Variants in CRYBG1 observed in about 807,000 individuals in gnomAD.
CRYBG1 encodes the protein crystallin beta-gamma domain containing 1.
In CRYBG1, 139 loss-of-function variants were observed where a neutral mutation model predicts 189.2. That is an observed-to-expected ratio of 0.73 (90% CI 0.64 to 0.85). The LOEUF is 0.85. Among genes scored for constraint, CRYBG1 ranks in the 40% least tolerant of loss-of-function variants. CRYBG1 has a pLI of 0.00. For synonymous variants in CRYBG1, 1,023 were observed against 1,017.1 expected (o/e 1.01, Z -0.11); for missense variants, 2,611 against 2,675.8 (o/e 0.98, Z 0.53).
intron 1 of CRYBG1, among the ~76,000 whole-genome samples, chr6:106,409,299 T>A (rs1443886861): frequency 6.6e-6 from 1 of 151,990 alleles, no homozygotes; most frequent in Non-Finnish European, 1.5e-5. Context: ...AAAATACCTA[T>A]GAATACAACT....
intron 1 of CRYBG1, among the ~76,000 whole-genome samples, chr6:106,376,935 C>T (rs1263942935): frequency 6.6e-6 from 1 of 152,034 alleles, no homozygotes; most frequent in Admixed American, 6.6e-5. Context: ...TGAAAAATGG[C>T]ATAGACTAAA....
intron 1 of CRYBG1, among the ~76,000 whole-genome samples, chr6:106,399,008 G>C (rs1294929728): frequency 6.6e-6 from 1 of 152,180 alleles, no homozygotes; most frequent in African/African-American, 2.4e-5. Context: ...TAACCAACAT[G>C]CTATTAAGAA....
Position 106,432,489 on chromosome 6 carries a change from A to G in CRYBG1, c.174-19205A>G, listed in dbSNP as rs962220977. Among the ~76,000 whole-genome samples the G allele has an allele frequency of 4.0e-5, 6 of 149,072 alleles. No individual in the cohort carries two copies. In the Admixed American group the frequency reaches 4.1e-4, roughly 10 times the overall value. ...CCTACAAGCTGTGGTAGGTACAAAGATGAAAGATGACCCAGTACCTACCCC... is the reference window on the plus strand; with the variant it reads ...CCTACAAGCTGTGGTAGGTACAAAGGTGAAAGATGACCCAGTACCTACCCC... On this transcript the variant is annotated intron_variant, in intron 1 of 21. Transcript: ENST00000633556.
intron 2 of CRYBG1, among the ~76,000 whole-genome samples, chr6:106,468,934 TTA>T: frequency 6.6e-6 from 1 of 152,350 alleles, no homozygotes; most frequent in Non-Finnish European, 1.5e-5. Context: ...AGCCATCTTT[TTA>T]TCTTTTTACA....
Position 106,519,385 on chromosome 6 carries a change from T to C in CRYBG1, c.2177T>C (p.Met726Thr), listed in dbSNP as rs142074612. 3.2e-4 allele frequency: 509 copies of C among 1,614,028 alleles called. 3 individuals are homozygous for C. The East Asian group carries it at 0.01, about 33-fold the overall frequency. Reference sequence around the variant, plus strand: ...AATTTAGCCAAAAAAGCCAAAGAAATGGAGCAACCTGAAAAGAAAGTAATG... The same window carrying C: ...AATTTAGCCAAAAAAGCCAAAGAAACGGAGCAACCTGAAAAGAAAGTAATG... ...KLNLAKKAKE[M>T]EQPEKKVMPN... The change falls in exon 4 of 22, where the codon ATG becomes ACG. Residue 726 changes from methionine to threonine, a missense_variant. Physicochemically the swap from Met to Thr is moderately conservative, Grantham distance 81. This residue lies in a region of CRYBG1 where 1,622 missense variants were observed against 1,735.0 expected (regional missense o/e 0.93). Transcript: ENST00000633556.
At position 106,519,912 on chromosome 6, in the gene CRYBG1, C is replaced by G; in HGVS notation, c.2704C>G (p.Leu902Val). ...CATAAGCAGTTTCCCATGCACTGAT[C>G]TAAAAGTGTCAGAAAACCATAAAGG... The part of the protein sequence containing the change: ...SPISSFPCTD[L>V]KVSENHKGCV... Residue 902 changes from leucine to valine, a missense_variant, in exon 4 of 22, where the codon CTA becomes GTA. Leu to Val is a conservative substitution (Grantham distance 32). This residue lies in a region of CRYBG1 where 1,622 missense variants were observed against 1,735.0 expected (regional missense o/e 0.93). Transcript: ENST00000633556. 2 of 1,614,184 alleles carry G rather than the reference C, an allele frequency of 1.2e-6. No homozygotes were observed. The highest frequency in any genetic ancestry group is 1.1e-5 in the South Asian group (1 of 91,086).
chr6:106,484,031 G>T (rs1348719372), intron 2 of CRYBG1, among the ~76,000 whole-genome samples: 2 of 152,122 alleles, frequency 1.3e-5, no homozygotes, highest in African/African-American at 4.8e-5. Context: ...TGCATATTGT[G>T]AGAGGTAGGA....
At position 106,521,188 on chromosome 6, in the gene CRYBG1, C is replaced by T; in HGVS notation, c.3980C>T (p.Pro1327Leu). Residue 1327 changes from proline (P) to leucine (L), a missense_variant, in exon 4 of 22, where the codon CCA becomes CTA. Around this residue, in one of 3 missense-constraint regions of CRYBG1, gnomAD observed 1,622 missense variants for 1,735.0 expected, o/e 0.93. Transcript: ENST00000633556. ...SSTSHSSLKS[P>L]SHMEKYPQKE... ...ACATCACACTCCAGTTTGAAAAGTC[C>T]AAGCCACATGGAAAAATACCCGCAA... 1 of 1,614,106 alleles carries T rather than the reference C, an allele frequency of 6.2e-7. No homozygotes were observed. Among genetic ancestry groups the T allele is most frequent in the Non-Finnish European group, 8.5e-7 (1 of 1,180,016 alleles).
chr6:106,520,014 T>C lies in CRYBG1; in HGVS notation c.2806T>C (p.Leu936=). 1.2e-6 allele frequency: 2 copies of C among 1,614,118 alleles called. No individual in the cohort carries two copies. The highest frequency in any genetic ancestry group is 1.7e-6 in the Non-Finnish European group (2 of 1,180,018). ...ACTTGGAGGAGAAACAACCCCTCCT[T>C]TGTCCACAGAGCGTAGTCCAGAAGC... ...LELGGETTPP[L]STERSPEAVG... The change falls in exon 4 of 22, where the codon TTG becomes CTG. Residue 936 remains leucine, a synonymous_variant. Transcript: ENST00000633556.
At chr6:106,510,621 A>T (rs1223706354) in intron 2 of CRYBG1, among the ~76,000 whole-genome samples, 1 of 152,190 alleles carries the variant, frequency 6.6e-6, no homozygotes, top group African/African-American at 2.4e-5. Context: ...CGGAGTAGGC[A>T]GAGTCCCAAG....
chr6:106,474,973 T>A (rs1040403921), intron 2 of CRYBG1, among the ~76,000 whole-genome samples: 2 of 152,186 alleles, frequency 1.3e-5, no homozygotes, highest in African/African-American at 4.8e-5. Flanking sequence ...GTAGATTTTT[T>A]AAAAACAAAA....
In CRYBG1 at chr6:106,512,710, C is replaced by T. The variant is rs1244391909; in HGVS notation, c.1593C>T (p.Ser531=). The change falls in exon 3 of 22, where the codon AGC becomes AGT. Residue 531 remains serine (S), a synonymous_variant. Coordinates refer to ENST00000633556, the MANE Select transcript of CRYBG1 (RefSeq NM_001371242.2). ...ALEAVPAPPA[S]GPRAPAKESP... is the part of the protein sequence containing the mutation. ...AGGCCGTGCCCGCCCCGCCCGCCAGCGGCCCCCGGGCTCCCGCCAAGGAGT... is the reference window on the plus strand; with the variant it reads ...AGGCCGTGCCCGCCCCGCCCGCCAGTGGCCCCCGGGCTCCCGCCAAGGAGT... 6.5e-7 allele frequency: 1 copy of T among 1,550,068 alleles called. No homozygotes were observed. Among genetic ancestry groups the T allele is most frequent in the Non-Finnish European group, 8.7e-7 (1 of 1,147,788 alleles).
intron 18 of CRYBG1, among the ~76,000 whole-genome samples, chr6:106,559,085 T>C (rs1774634722): frequency 6.6e-6 from 1 of 152,240 alleles, no homozygotes; most frequent in African/African-American, 2.4e-5. Flanking sequence ...ACTTTTCCAC[T>C]GGGAAAAGTC....
chr6:106,452,222 C>G (rs1289854338), intron 2 of CRYBG1, among the ~76,000 whole-genome samples: 1 of 123,840 alleles, frequency 8.1e-6, no homozygotes, highest in Non-Finnish European at 1.7e-5. Context: ...GCCTGACCAA[C>G]ATGATGAAAC....
intron 16 of CRYBG1, among the ~76,000 whole-genome samples, chr6:106,554,318 A>G (rs762886797): frequency 6.6e-6 from 1 of 152,224 alleles, no homozygotes; most frequent in Non-Finnish European, 1.5e-5. Flanking sequence ...TTTGCATTCA[A>G]ATACACAGAT....
chr6:106,539,652 C>CAA, intron 9 of CRYBG1, 123 bp downstream of exon 9: 1 of 1,063,666 alleles, frequency 9.4e-7, no homozygotes, highest in East Asian at 2.7e-5. Context: ...TAGATTGGAC[C>CAA]TATTGCTCAA....
At chr6:106,463,314 C>T (rs1168621731) in intron 2 of CRYBG1, among the ~76,000 whole-genome samples, 10 of 151,422 alleles carry the variant, frequency 6.6e-5, no homozygotes, top group Admixed American at 6.6e-4. Flanking sequence ...CTGAACTCAC[C>T]TTTGATGCTT....
At chr6:106,364,809 G>A (rs1771950068) in intron 1 of CRYBG1, among the ~76,000 whole-genome samples, 1 of 152,208 alleles carries the variant, frequency 6.6e-6, no homozygotes, top group African/African-American at 2.4e-5. Flanking sequence ...TACTTACCAT[G>A]ACACTGAATC....
chr6:106,479,337 AC>A (rs1211006501), intron 2 of CRYBG1, among the ~76,000 whole-genome samples: 3 of 152,180 alleles, frequency 2.0e-5, no homozygotes, highest in Non-Finnish European at 4.4e-5. Context: ...CAAGGGCACA[AC>A]CCTCATGACC....
Sources: gnomAD v4.1 joint callset for allele counts (sites outside exome capture counted in the v4.1 genomes callset) on GRCh38, gnomAD v4.1.1 for gene constraint, gnomAD v4.1.1 regional missense constraint, MANE v1.5 for transcripts, NCBI Gene and HGNC (gene_info 2026-07-23, HGNC 2026-07-21) for gene names.